Variants in THAP9 observed in about 807,000 individuals in gnomAD.
THAP9 encodes THAP domain containing 9, also known as DNA transposase THAP9.
Under a neutral mutation model 35.7 loss-of-function variants are expected in THAP9, and 20 were observed. The observed-to-expected ratio is 0.56, with a 90% CI of 0.39 to 0.81. The LOEUF (loss-of-function observed/expected upper bound fraction) is 0.81, where lower values mean the gene tolerates loss of function less well. Among genes scored for constraint, THAP9 ranks in the 40% least tolerant of loss-of-function variants. THAP9 has a pLI of 0.00. For synonymous variants in THAP9, 335 were observed against 373.7 expected, an observed-to-expected ratio of 0.90 and a Z score of 1.19; for missense variants, 870 against 1,047.4, an observed-to-expected ratio of 0.83 and a Z score of 2.34.
At chr4:82,910,110 C>T (rs1171863280) in intron 4 of THAP9, 3 of 151,950 alleles carry the variant, frequency 2.0e-5, no homozygotes, top group African/African-American at 7.2e-5. Flanking sequence ...CATAGTTCTG[C>T]GTCAACTCCT....
At chr4:82,905,590 A>G (rs2126012002) in intron 2 of THAP9, among the ~76,000 whole-genome samples, 1 of 152,188 alleles carries the variant, frequency 6.6e-6, no homozygotes, top group Admixed American at 6.5e-5. Context: ...ATTCGGAAGT[A>G]TTTAGTTGGT....
rs762623095 is a variant in THAP9, at chr4:82,906,546, G to A, written c.499G>A (p.Gly167Ser). The A allele has an allele frequency of 6.8e-6, 11 of 1,613,472 alleles. No homozygotes were observed. Among genetic ancestry groups the A allele is most frequent in the Non-Finnish European group, 9.3e-6 (11 of 1,179,670 alleles). ...KNYRMIKKRKGLRLIDALVEE... is the reference protein window; with the variant it reads ...KNYRMIKKRKSLRLIDALVEE... ...CTACAGGATGATCAAGAAGAGAAAGGGTTTACGATTAATTGATGCACTTGT... is the reference window on the plus strand; with the variant it reads ...CTACAGGATGATCAAGAAGAGAAAGAGTTTACGATTAATTGATGCACTTGT... The change falls in exon 3 of 5, where the codon GGT (glycine) becomes AGT (serine). Residue 167 changes from glycine (G) to serine (S), a missense_variant. Physicochemically the swap from Gly to Ser is moderately conservative, Grantham distance 56. This residue lies in a region of THAP9 where 440 missense variants were observed against 501.2 expected (regional missense o/e 0.88). Transcript: ENST00000302236.
rs1183650052 is a variant in THAP9, at chr4:82,900,754, T to C, written c.-49T>C. 1.9e-6 allele frequency: 3 copies of C among 1,602,760 alleles called. No individual in the cohort carries two copies. Among genetic ancestry groups the C allele is most frequent in the Non-Finnish European group, 2.6e-6 (3 of 1,170,538 alleles). ...ACGGGCGGAGCTAAAGTGGTCGTGA[T>C]TCATGCTGTCGCGGGAACCCCGAAG... On this transcript the variant is annotated 5_prime_UTR_variant, in exon 1 of 5. Coordinates refer to ENST00000302236, the MANE Select transcript of THAP9 (RefSeq NM_024672.6).
intron 4 of THAP9, among the ~76,000 whole-genome samples, chr4:82,914,488 T>C (rs1720975838): frequency 6.6e-6 from 1 of 152,234 alleles, no homozygotes; most frequent in Non-Finnish European, 1.5e-5. Context: ...CAGCATCTAT[T>C]ATTTGTTGAC....
At chr4:82,910,896 G>A in intron 4 of THAP9, 1 of 238,774 alleles carries the variant, frequency 4.2e-6, no homozygotes, top group Admixed American at 4.1e-5. Context: ...ATAGTAGAGT[G>A]GTGGAGAGGT....
At chr4:82,902,918 C>G (rs1017425934) in intron 1 of THAP9, among the ~76,000 whole-genome samples, 1 of 152,194 alleles carries the variant, frequency 6.6e-6, no homozygotes, top group Admixed American at 6.5e-5. Context: ...AGAGATGTGT[C>G]TAATACCATA....
At position 82,917,368 on chromosome 4, in the gene THAP9, T is replaced by C. The variant is rs970746093; in HGVS notation, c.1156T>C (p.Leu386=). Residue 386 remains leucine (L), a synonymous_variant, in exon 5 of 5, where the codon TTG becomes CTG. Transcript: ENST00000302236. ...TAHSVQMAKA[L]GIHIDGDDMK... ...ACATAGTGTTCAGATGGCAAAAGCA[T>C]TGGGGATACATATTGATGGAGACGA... 3.7e-6 allele frequency: 6 copies of C among 1,613,506 alleles called. No homozygotes were observed. The Middle Eastern group carries it at 8.2e-4, about 222-fold the overall frequency.
intron 1 of THAP9, among the ~76,000 whole-genome samples, chr4:82,904,464 A>G (rs1327423965): frequency 1.3e-5 from 2 of 152,244 alleles, no homozygotes; most frequent in Non-Finnish European, 2.9e-5. Context: ...AGCAAATTCT[A>G]TTAAGTGTAG....
At chr4:82,906,008 C>T (rs1720632310) in intron 2 of THAP9, 1 of 461,652 alleles carries the variant, frequency 2.2e-6, no homozygotes, top group Admixed American at 2.4e-5. Context: ...CTTCATTAAC[C>T]ATGTTATTGT....
At chr4:82,904,555 C>G (rs891189722) in intron 1 of THAP9, among the ~76,000 whole-genome samples, 181 bp from the exon 2 acceptor site, 2 of 151,838 alleles carry the variant, frequency 1.3e-5, no homozygotes, top group African/African-American at 4.8e-5. Context: ...AGATATTGAA[C>G]CTTTGGATTA....
rs370407795 is a variant in THAP9, at chr4:82,918,657, A to G, written c.2445A>G (p.Val815=). Residue 815 remains valine (V), a synonymous_variant, in exon 5 of 5, where the codon GTA becomes GTG. Transcript: ENST00000302236. ...CELSGHINLF[V]DVNKHLFDGE... ...TTTCTGGGCATATTAATCTTTTTGT[A>G]GATGTGAATAAGCATCTCTTTGATG... The G allele has an allele frequency of 4.3e-6, 7 of 1,614,052 alleles. No individual in the cohort carries two copies. Among genetic ancestry groups the G allele is most frequent in the Non-Finnish European group, 5.9e-6 (7 of 1,179,950 alleles).
intron 1 of THAP9, chr4:82,903,642 ACTTGT>A (rs1251922026): frequency 6.5e-5 from 10 of 152,738 alleles, no homozygotes; most frequent in African/African-American, 2.4e-4. Context: ...TAGTAAATAT[ACTTGT>A]CTTGTTTTCT....
chr4:82,917,265 T>C lies in THAP9; in HGVS notation c.1053T>C (p.Ala351=), dbSNP rs1259545272. 6.2e-6 allele frequency: 10 copies of C among 1,614,066 alleles called. No individual in the cohort carries two copies. The South Asian group carries it at 1.1e-4, about 18-fold the overall frequency. ...ACAGAGCATCTGGATATTTGCAGGC[T>C]CAGCTGCTTCGTCTGACTATTGGTA... The part of the protein sequence containing the change: ...FVNRASGYLQ[A]QLLRLTIGKL... Residue 351 remains alanine, a synonymous_variant, in exon 5 of 5, where the codon GCT becomes GCC. Coordinates refer to ENST00000302236, the MANE Select transcript of THAP9 (RefSeq NM_024672.6).
chr4:82,907,719 A>T (rs186181530), intron 3 of THAP9, 66 bp from the exon 4 acceptor site: 1 of 1,205,568 alleles, frequency 8.3e-7, no homozygotes, highest in African/African-American at 1.6e-5. Context: ...TTATATCCAA[A>T]TGCTATAATC....
At chr4:82,915,262 GTTTTGTTTTGTTTT>G (rs1396445139) in intron 4 of THAP9, among the ~76,000 whole-genome samples, 1 of 151,346 alleles carries the variant, frequency 6.6e-6, no homozygotes, top group African/African-American at 2.4e-5. Flanking sequence ...GTTTTGTTTT[GTTTTGTTTTGTTTT>G]GAGACAGTTT....
At position 82,904,755 on chromosome 4, in the gene THAP9, C is replaced by G; in HGVS notation, c.100C>G (p.Gln34Glu). ...SFHQFPTDTI[Q>E]RSKWIRAVNR... ...TCATAGATTTCCAACTGATACCATA[C>G]AGCGCTCAAAATGGATCAGGGCTGT... Residue 34 changes from glutamine (Q) to glutamate (E), a missense_variant, in exon 2 of 5, where the codon CAG (glutamine) becomes GAG (glutamate). Transcript: ENST00000302236. 1 of 1,614,096 alleles carries G rather than the reference C, an allele frequency of 6.2e-7. No individual in the cohort carries two copies. The highest frequency in any genetic ancestry group is 8.5e-7 in the Non-Finnish European group (1 of 1,179,990).
Position 82,900,863 on chromosome 4 carries a change from C to G in THAP9, c.61C>G (p.Arg21Gly). The G allele has an allele frequency of 6.2e-7, 1 of 1,613,456 alleles. No individual in the cohort carries two copies. Among genetic ancestry groups the G allele is most frequent in the East Asian group, 2.2e-5 (1 of 44,870 alleles). The stretch of plus-strand genomic sequence containing the variant: ...CCGTGACACCGTGCTCAGCCGGGAG[C>G]GCGGCCTCTCCTTCCACCAGTGCGT... ...STRDTVLSRE[R>G]GLSFHQFPTD... Residue 21 changes from arginine to glycine, a missense_variant, in exon 1 of 5, where the codon CGC becomes GGC. Transcript: ENST00000302236.
chr4:82,915,693 A>G (rs1020588306), intron 4 of THAP9, among the ~76,000 whole-genome samples: 3 of 152,284 alleles, frequency 2.0e-5, no homozygotes, highest in African/African-American at 7.2e-5. Context: ...GATTGGTTCT[A>G]GGACACCCCC....
chr4:82,905,953 C>T (rs947424353), intron 2 of THAP9: 1 of 456,698 alleles, frequency 2.2e-6, no homozygotes, highest in Non-Finnish European at 4.4e-6. Flanking sequence ...AAGCCATGCA[C>T]TGTCCACTAT....
Sources: gnomAD v4.1 joint callset for allele counts (sites outside exome capture counted in the v4.1 genomes callset) on GRCh38, gnomAD v4.1.1 for gene constraint, gnomAD v4.1.1 regional missense constraint, MANE v1.5 for transcripts, NCBI Gene and HGNC (gene_info 2026-07-23, HGNC 2026-07-21) for gene names.